Variants in MFN2 observed in about 807,000 individuals in gnomAD.
MFN2 encodes mitofusin 2.
A neutral mutation model predicts 87.5 loss-of-function variants in MFN2; 43 were observed. That is an observed-to-expected ratio of 0.49 (90% CI 0.38 to 0.63). MFN2 has a LOEUF of 0.63. MFN2 is among the 30% of genes least tolerant of loss of function. The pLI is 0.00. For missense variants in MFN2, 743 were observed against 972.8 expected (o/e 0.76, Z 3.14); for synonymous variants, 337 against 359.9 (o/e 0.94, Z 0.72).
Position 11,991,923 on chromosome 1 carries a change from CAAAAAAA to C in MFN2, c.176-609_176-603del, listed in dbSNP as rs35314016. On this transcript the variant is annotated intron_variant, in intron 3 of 18. Coordinates refer to ENST00000235329, the MANE Select transcript of MFN2 (RefSeq NM_014874.4). ...TGGGCGACAGAGCGAGACTCCGTCT[CAAAAAAA>C]AAAAAAAAAAAAAAAAAAAAAAGAA... Among the ~76,000 whole-genome samples the C allele has an allele frequency of 7.2e-4, 12 of 16,732 alleles. No homozygotes were observed. The South Asian group carries it at 0.017, about 24-fold the overall frequency. 11.0% of individuals were successfully genotyped at this position (16,732 alleles called of 152,430 possible).
At chr1:11,984,480 C>A (rs1638305503) in intron 2 of MFN2, among the ~76,000 whole-genome samples, 1 of 152,202 alleles carries the variant, frequency 6.6e-6, no homozygotes, top group Admixed American at 6.5e-5. Context: ...CAACTTTAGT[C>A]TTCTCACAGT....
At chr1:12,009,546 T>C in intron 17 of MFN2, 46 bp from the exon 18 acceptor site, 1 of 1,613,910 alleles carries the variant, frequency 6.2e-7, no homozygotes, top group South Asian at 1.1e-5. Flanking sequence ...ACCAGTGGCA[T>C]CTTGCTCCAC....
At chr1:11,993,710 TG>T (rs1397934140) in intron 4 of MFN2, among the ~76,000 whole-genome samples, 1 of 146,282 alleles carries the variant, frequency 6.8e-6, no homozygotes. Flanking sequence ...CACTCCAGCC[TG>T]GGCGACAGTG....
chr1:11,983,575 C>T (rs1557511156), intron 2 of MFN2, among the ~76,000 whole-genome samples: 1 of 152,170 alleles, frequency 6.6e-6, no homozygotes, highest in Non-Finnish European at 1.5e-5. Flanking sequence ...GGCTCTCAGG[C>T]TATGCTTGCA....
intron 2 of MFN2, among the ~76,000 whole-genome samples, chr1:11,987,836 A>G (rs1026713626): frequency 6.6e-5 from 10 of 152,080 alleles, no homozygotes; most frequent in Admixed American, 2.0e-4. Flanking sequence ...CTGTGGTCTC[A>G]TGTACTCAGG....
At chr1:11,980,522 C>T (rs1237383821) in intron 1 of MFN2, 38 bp downstream of exon 1, 1 of 398,096 alleles carries the variant, frequency 2.5e-6, no homozygotes, top group Admixed American at 4.4e-5. Context: ...GGGGACTGGC[C>T]CGGCCCGGCC....
chr1:11,982,393 G>A (rs1307040167), intron 2 of MFN2: 5 of 152,246 alleles, frequency 3.3e-5, no homozygotes, highest in Non-Finnish European at 5.9e-5. Context: ...GGTCTCTGCT[G>A]TGCTGGCTCT....
chr1:12,005,531 A>G (rs888307392), intron 14 of MFN2, among the ~76,000 whole-genome samples, 180 bp from the exon 15 acceptor site: 4 of 152,214 alleles, frequency 2.6e-5, no homozygotes, highest in African/African-American at 9.6e-5. Flanking sequence ...CTTGCCTGGG[A>G]GAGCTGGCCT....
rs886045221 is a variant in MFN2, at chr1:12,011,622, C to T, written c.*57C>T. On this transcript the variant is annotated 3_prime_UTR_variant, in exon 19 of 19. Transcript: ENST00000235329. ...GGGCGGTGCTGCCAGCCCTAAGTGC[C>T]ATGTGGGCTCCCCCAGGGGCACGTG... The T allele has an allele frequency of 5.0e-6, 8 of 1,588,104 alleles. No homozygotes were observed. Among genetic ancestry groups the T allele is most frequent in the South Asian group, 1.1e-5 (1 of 90,536 alleles).
rs534159880 is a variant in MFN2, at chr1:11,984,288, G to A, written c.-5+2174G>A. ...GCTGACCTGTTTATTTGATCTCCGT[G>A]ATAGCGGGTAAGGGAGTGGTGTGTG... On this transcript the variant is annotated intron_variant, in intron 2 of 18. Transcript: ENST00000235329. 3.7e-4 allele frequency among the ~76,000 whole-genome samples: 56 copies of A among 152,302 alleles called. 1 individual carries two copies. Among genetic ancestry groups the A allele is most frequent in the African/African-American group, 1.3e-3 (55 of 41,560 alleles).
chr1:11,981,786 A>C (rs1032339040), intron 1 of MFN2, 184 bp from the exon 2 acceptor site: 1 of 152,232 alleles, frequency 6.6e-6, no homozygotes, highest in Non-Finnish European at 1.5e-5. Flanking sequence ...GATTGGTCCC[A>C]CACCTCTGCG....
intron 17 of MFN2, among the ~76,000 whole-genome samples, chr1:12,007,903 C>T (rs1422068228): frequency 1.3e-5 from 2 of 151,922 alleles, no homozygotes; most frequent in Admixed American, 6.6e-5. Context: ...TGGGGCCTTC[C>T]GCAGTGTTTG....
intron 14 of MFN2, among the ~76,000 whole-genome samples, 185 bp downstream of exon 14, chr1:12,005,112 C>T (rs1378778749): frequency 1.3e-5 from 2 of 152,186 alleles, no homozygotes; most frequent in Non-Finnish European, 2.9e-5. Flanking sequence ...GACAGAGTCG[C>T]ACTCCGTAAC....
rs1467542667 is a variant in MFN2, at chr1:12,001,837, G to A, written c.1038+1G>A. 2 of 1,614,124 alleles carry A rather than the reference G, an allele frequency of 1.2e-6. No homozygotes were observed. The highest frequency in any genetic ancestry group is 2.2e-5 in the East Asian group (1 of 44,886). ...TCAGAATTTTGAGAGGAGATTTGAG[G>A]TGAGTCCTCTGATTCTGGTATCTGG... On this transcript the variant is annotated splice_donor_variant, in intron 10 of 18. Transcript: ENST00000235329. LOFTEE classifies it high-confidence loss of function.
chr1:11,990,064 C>T (rs941646707), intron 3 of MFN2, among the ~76,000 whole-genome samples: 3 of 152,188 alleles, frequency 2.0e-5, no homozygotes, highest in African/African-American at 7.2e-5. Flanking sequence ...GAAAGTGGGG[C>T]TCAGGTGTGA....
rs538143032 is a variant in MFN2, at chr1:11,983,324, G to A, written c.-5+1210G>A. On this transcript the variant is annotated intron_variant, in intron 2 of 18. Coordinates refer to ENST00000235329, the MANE Select transcript of MFN2 (RefSeq NM_014874.4). ...CTGACCTTGTGATCTACCCACCTCG[G>A]CCTCCCAGAGTGCTGGGATTACAGG... is the stretch of plus-strand genomic sequence containing the variant. Among the ~76,000 whole-genome samples, 5 of 152,278 alleles carry A rather than the reference G, an allele frequency of 3.3e-5. No individual in the cohort carries two copies. In the East Asian group the frequency reaches 7.7e-4, roughly 23 times the overall value.
chr1:12,009,231 G>GA (rs1639583009), intron 17 of MFN2, among the ~76,000 whole-genome samples: 8 of 151,510 alleles, frequency 5.3e-5, no homozygotes, highest in East Asian at 4.1e-4. Flanking sequence ...GGGAGAGGGA[G>GA]CGGGAGAGGG....
chr1:12,006,116 A>G (rs1300993786), intron 15 of MFN2, among the ~76,000 whole-genome samples, 185 bp downstream of exon 15: 2 of 152,156 alleles, frequency 1.3e-5, no homozygotes, highest in African/African-American at 4.8e-5. Context: ...CTAAGCAGTG[A>G]TATTTGTGAA....
intron 1 of MFN2, among the ~76,000 whole-genome samples, chr1:11,981,464 C>T (rs77819579): frequency 8.5e-5 from 13 of 152,376 alleles, no homozygotes; most frequent in African/African-American, 3.1e-4. Flanking sequence ...CGCTGCTGCA[C>T]TCCAGGAGCT....
Sources: gnomAD v4.1 joint callset for allele counts (sites outside exome capture counted in the v4.1 genomes callset) on GRCh38, gnomAD v4.1.1 for gene constraint, MANE v1.5 for transcripts, NCBI Gene and HGNC (gene_info 2026-07-23, HGNC 2026-07-21) for gene names.